The following RORB variants were observed in gnomAD, a reference collection of about 807,000 sequenced individuals.
RORB encodes the protein RAR related orphan receptor B, also known as nuclear receptor ROR-beta.
Under a neutral mutation model 59.1 loss-of-function variants are expected in RORB, and 6 were observed. That is an observed-to-expected ratio of 0.10 (90% confidence interval 0.06 to 0.20). The LOEUF is 0.20. RORB is among the 10% of genes least tolerant of loss of function. RORB has a pLI of 1.00. For synonymous variants in RORB, 215 were observed against 204.5 expected, an observed-to-expected ratio of 1.05 and a Z score of -0.44; for missense variants, 320 against 560.5, an observed-to-expected ratio of 0.57 and a Z score of 4.33.
chr9:74,562,150 G>A (rs1822404977), intron 1 of RORB, among the ~76,000 whole-genome samples: 2 of 152,112 alleles, frequency 1.3e-5, no homozygotes, highest in South Asian at 4.1e-4. Context: ...TCTTGACTTT[G>A]CTACCCTTGA....
At chr9:74,549,750 C>A (rs1041405837) in intron 1 of RORB, among the ~76,000 whole-genome samples, 1 of 151,908 alleles carries the variant, frequency 6.6e-6, no homozygotes, top group African/African-American at 2.4e-5. Context: ...GTGTTTGAGA[C>A]GGAATTTTGC....
At chr9:74,615,507 A>T (rs3904059) in intron 1 of RORB, 162,534 of 355,630 alleles carry the variant, frequency 0.46, 39,208 homozygotes, top group East Asian at 0.76. Context: ...GCCTGTTGGG[A>T]TTGAAGTTGT....
In RORB at chr9:74,681,666, A is replaced by G. The variant is rs182769826; in HGVS notation, c.1225-3797A>G. On this transcript the variant is annotated intron_variant, in intron 9 of 9. Coordinates refer to ENST00000376896, the MANE Select transcript of RORB (RefSeq NM_006914.4). ...GTTTTTTTCCCAGGAAAAGAGGAAG[A>G]GTCCATATTAACATTCCAAAACCAG... 4.6e-5 allele frequency among the ~76,000 whole-genome samples: 7 copies of G among 152,338 alleles called. No homozygotes were observed. In the East Asian group the frequency reaches 1.2e-3, roughly 25 times the overall value.
chr9:74,623,441 C>CT (rs35945048), intron 1 of RORB, among the ~76,000 whole-genome samples: 134,505 of 145,524 alleles, frequency 0.92, 62,559 homozygotes, highest in Non-Finnish European at 0.99. Flanking sequence ...TTTTCTCTCT[C>CT]TTTTTTTTTT....
chr9:74,510,196 C>T (rs1285586760), intron 1 of RORB, among the ~76,000 whole-genome samples: 1 of 152,094 alleles, frequency 6.6e-6, no homozygotes, highest in South Asian at 2.1e-4. Flanking sequence ...CACAATTTGA[C>T]TAAATTTGAC....
chr9:74,549,567 A>AGGAG (rs1383689384), intron 1 of RORB, among the ~76,000 whole-genome samples: 1 of 33,662 alleles, frequency 3.0e-5, no homozygotes, highest in Non-Finnish European at 6.4e-5. Flanking sequence ...GAAGGAAGGA[A>AGGAG]GGAAGGAAGG....
At chr9:74,571,940 C>T (rs180846037) in intron 1 of RORB, among the ~76,000 whole-genome samples, 8 of 152,260 alleles carry the variant, frequency 5.3e-5, no homozygotes, top group Admixed American at 4.6e-4. Flanking sequence ...GCACCTCCCC[C>T]GCCCTCCTGA....
chr9:74,658,004 C>CAAAAA (rs60719147), intron 4 of RORB, among the ~76,000 whole-genome samples: 47 of 97,750 alleles, frequency 4.8e-4, no homozygotes, highest in African/African-American at 1.3e-3. Context: ...GACTCGGTCT[C>CAAAAA]AAAAAAAAAA....
chr9:74,565,021 G>C (rs1177901319), intron 1 of RORB, among the ~76,000 whole-genome samples: 1 of 152,166 alleles, frequency 6.6e-6, no homozygotes, highest in East Asian at 1.9e-4. Flanking sequence ...TCACAAAGAA[G>C]ATCTCTTTAC....
intron 1 of RORB, among the ~76,000 whole-genome samples, chr9:74,549,036 G>A (rs1826547602): frequency 6.6e-6 from 1 of 152,108 alleles, no homozygotes; most frequent in Non-Finnish European, 1.5e-5. Context: ...TTGACCACAT[G>A]AAAATGCGAT....
intron 1 of RORB, among the ~76,000 whole-genome samples, chr9:74,510,883 T>C (rs1825928220): frequency 6.6e-6 from 1 of 152,202 alleles, no homozygotes; most frequent in African/African-American, 2.4e-5. Context: ...ACCTGTCAAA[T>C]AATAGCAGTT....
chr9:74,572,383 G>A (rs1822567104), intron 1 of RORB, among the ~76,000 whole-genome samples: 1 of 152,250 alleles, frequency 6.6e-6, no homozygotes, highest in South Asian at 2.1e-4. Flanking sequence ...CAGGTATGAA[G>A]TCTTTTTCCT....
chr9:74,540,360 C>T lies in RORB; in HGVS notation c.7+42377C>T, dbSNP rs114383277. On this transcript the variant is annotated intron_variant, in intron 1 of 9. Transcript: ENST00000376896. ...TAACCTCAGTCACATTATTTAACCC[C>T]TCTATGCTTCAATTTCTGCATCTGC... is the stretch of plus-strand genomic sequence containing the variant. Among the ~76,000 whole-genome samples, 738 of 152,272 alleles carry T rather than the reference C, an allele frequency of 4.8e-3. 1 individual carries two copies. Among genetic ancestry groups the T allele is most frequent in the African/African-American group, 0.017 (707 of 41,544 alleles).
At chr9:74,634,310 C>T (rs1307519272) in intron 2 of RORB, among the ~76,000 whole-genome samples, 2 of 152,194 alleles carry the variant, frequency 1.3e-5, no homozygotes, top group Admixed American at 1.3e-4. Context: ...GCTACTCCTT[C>T]CCCACTGCTC....
intron 1 of RORB, among the ~76,000 whole-genome samples, chr9:74,599,116 A>G (rs1823016419): frequency 6.6e-6 from 1 of 152,214 alleles, no homozygotes; most frequent in African/African-American, 2.4e-5. Flanking sequence ...ATAAAATTTC[A>G]GCAAGAATTT....
At chr9:74,589,715 G>A (rs574337842) in intron 1 of RORB, among the ~76,000 whole-genome samples, 6 of 152,176 alleles carry the variant, frequency 3.9e-5, no homozygotes, top group Admixed American at 6.5e-5. Flanking sequence ...GGGTGCCCTC[G>A]CATGAACCCC....
intron 1 of RORB, among the ~76,000 whole-genome samples, chr9:74,508,306 A>T (rs1825894885): frequency 6.6e-6 from 1 of 152,010 alleles, no homozygotes; most frequent in African/African-American, 2.4e-5. Flanking sequence ...TTGCTTACTA[A>T]TATAACCAAA....
At chr9:74,573,704 G>T (rs1444748662) in intron 1 of RORB, among the ~76,000 whole-genome samples, 1 of 152,058 alleles carries the variant, frequency 6.6e-6, no homozygotes, top group Non-Finnish European at 1.5e-5. Flanking sequence ...ATAACCAACT[G>T]CCAGATTGTC....
At chr9:74,588,901 T>A (rs1822847314) in intron 1 of RORB, among the ~76,000 whole-genome samples, 1 of 151,208 alleles carries the variant, frequency 6.6e-6, no homozygotes, top group South Asian at 2.1e-4. Flanking sequence ...TTCATTCTGT[T>A]TTCCTGTGGA....
Sources: gnomAD v4.1 joint callset for allele counts (sites outside exome capture counted in the v4.1 genomes callset) on GRCh38, gnomAD v4.1.1 for gene constraint, MANE v1.5 for transcripts, NCBI Gene and HGNC (gene_info 2026-07-23, HGNC 2026-07-21) for gene names.